The following RBL1 variants were observed in gnomAD, a reference collection of about 807,000 sequenced individuals.
RBL1 encodes the protein RB transcriptional corepressor like 1, also known as retinoblastoma-like protein 1.
A neutral mutation model predicts 123.0 loss-of-function variants in RBL1; 82 were observed. The ratio of observed to expected loss-of-function variants is 0.67; its 90% CI spans 0.56 to 0.80. The LOEUF (loss-of-function observed/expected upper bound fraction) is 0.80. Among genes scored for constraint, RBL1 ranks in the 30% least tolerant of loss-of-function variants. The probability of loss-of-function intolerance (pLI) is 0.00; values close to 1 mark genes in which losing one functional copy is unlikely to be tolerated. For missense variants in RBL1, 1,171 were observed against 1,299.6 expected, an observed-to-expected ratio of 0.90 and a Z score of 1.52; for synonymous variants, 405 against 441.3, an observed-to-expected ratio of 0.92 and a Z score of 1.03.
intron 2 of RBL1, among the ~76,000 whole-genome samples, chr20:37,072,185 T>C (rs955515954): frequency 3.3e-5 from 5 of 152,158 alleles, no homozygotes; most frequent in African/African-American, 1.2e-4. Flanking sequence ...ATTTTGTTTT[T>C]TGGCCGGGTG....
intron 2 of RBL1, among the ~76,000 whole-genome samples, chr20:37,086,674 T>A (rs949768358): frequency 6.6e-6 from 1 of 152,180 alleles, no homozygotes; most frequent in Non-Finnish European, 1.5e-5. Context: ...TGACCACAAA[T>A]AGTTTTGTCC....
chr20:37,015,915 G>A (rs1319842050), intron 19 of RBL1, among the ~76,000 whole-genome samples: 2 of 150,548 alleles, frequency 1.3e-5, no homozygotes, highest in East Asian at 3.9e-4. Context: ...AGTAGAGACG[G>A]GTTTCACCAT....
chr20:37,018,726 T>C (rs6030779), intron 18 of RBL1, among the ~76,000 whole-genome samples: 91,441 of 151,998 alleles, frequency 0.6, 28,494 homozygotes, highest in African/African-American at 0.78. Context: ...CTGAGGTGGG[T>C]GGATCACTTG....
chr20:37,057,915 C>A (rs1019810558), intron 9 of RBL1, among the ~76,000 whole-genome samples: 10 of 151,896 alleles, frequency 6.6e-5, no homozygotes, highest in African/African-American at 2.4e-4. Context: ...CACCTGAGGT[C>A]AGGAGTTCGA....
At chr20:37,048,173 TAAAAC>T (rs929153309) in intron 11 of RBL1, among the ~76,000 whole-genome samples, 11 of 152,066 alleles carry the variant, frequency 7.2e-5, no homozygotes, top group Non-Finnish European at 1.5e-4. Context: ...GTGAGACACT[TAAAAC>T]AAAAGAATCT....
chr20:37,009,450 G>A (rs2064120375), intron 19 of RBL1, among the ~76,000 whole-genome samples: 1 of 152,018 alleles, frequency 6.6e-6, no homozygotes, highest in South Asian at 2.1e-4. Flanking sequence ...TTGTTTTTAT[G>A]AAAGGTTCTT....
chr20:37,000,725 A>G (rs1379164189), intron 21 of RBL1, among the ~76,000 whole-genome samples: 680 of 23,080 alleles, frequency 0.029, no homozygotes, highest in Middle Eastern at 0.05. Context: ...GGAGGCGGGG[A>G]GGTCAGCCCC....
chr20:37,004,714 CAAAAAAAA>C (rs11361452), intron 20 of RBL1, among the ~76,000 whole-genome samples: 2 of 72,518 alleles, frequency 2.8e-5, no homozygotes, highest in African/African-American at 6.5e-5. Flanking sequence ...GACTCTGCCT[CAAAAAAAA>C]AAAAAAAAAA....
At chr20:37,023,777 A>AT (rs11371156) in intron 16 of RBL1, among the ~76,000 whole-genome samples, 109,576 of 125,546 alleles carry the variant, frequency 0.87, 48,379 homozygotes, top group Middle Eastern at 0.92. Flanking sequence ...TATTCAAACT[A>AT]TTTTTTTTTT....
intron 19 of RBL1, among the ~76,000 whole-genome samples, chr20:37,012,471 C>T (rs1320515420): frequency 3.3e-5 from 5 of 151,850 alleles, no homozygotes; most frequent in Admixed American, 3.3e-4. Flanking sequence ...GCGTCTCTGC[C>T]CGGCCGCCCA....
At chr20:37,052,121 C>A (rs1446945596) in intron 11 of RBL1, among the ~76,000 whole-genome samples, 3 of 151,952 alleles carry the variant, frequency 2.0e-5, no homozygotes. Context: ...CAACCTCCAC[C>A]TCCCAGGTTC....
At chr20:37,047,368 C>A (rs1186481234) in intron 11 of RBL1, among the ~76,000 whole-genome samples, 178 bp from the exon 12 acceptor site, 1 of 152,112 alleles carries the variant, frequency 6.6e-6, no homozygotes, top group Admixed American at 6.6e-5. Context: ...TATTCTTGCT[C>A]AGTGGGTAGG....
In RBL1 at chr20:37,078,831, A is replaced by AGGCT. The variant is rs1377046772; in HGVS notation, c.290+10154_290+10157dup. ...TTTAACACTAATATTTTCCTATGTA[A>AGGCT]GGCTTAATGTATAGTTACAATGATC... On this transcript the variant is annotated intron_variant, in intron 2 of 21. Coordinates refer to ENST00000373664, the MANE Select transcript of RBL1 (RefSeq NM_002895.5). Among the ~76,000 whole-genome samples the AGGCT allele has an allele frequency of 3.3e-5, 5 of 149,824 alleles. No individual in the cohort carries two copies. The East Asian group carries it at 1.0e-3, about 31-fold the overall frequency.
chr20:37,071,247 G>A (rs963203506), intron 2 of RBL1, among the ~76,000 whole-genome samples: 10 of 152,052 alleles, frequency 6.6e-5, no homozygotes, highest in Admixed American at 3.3e-4. Flanking sequence ...AGTCCATTTC[G>A]CCTGGCCAAT....
intron 11 of RBL1, among the ~76,000 whole-genome samples, chr20:37,049,944 C>A (rs1451788606): frequency 1.3e-5 from 2 of 151,160 alleles, no homozygotes; most frequent in Non-Finnish European, 3.0e-5. Context: ...TCCCTGTAAT[C>A]CTAGCTACTC....
chr20:37,095,932 T>G lies in RBL1; in HGVS notation c.-4A>C. Reference sequence around the variant, plus strand: ...CGTGGGGCTTGTCCTCGAACATCCCTTCAGGCCCCGCGGGCTGCGCGCCAC... The same window carrying G: ...CGTGGGGCTTGTCCTCGAACATCCCGTCAGGCCCCGCGGGCTGCGCGCCAC... On this transcript the variant is annotated 5_prime_UTR_variant, in exon 1 of 22. Transcript: ENST00000373664. 4 of 1,552,718 alleles carry G rather than the reference T, an allele frequency of 2.6e-6. No homozygotes were observed. Among genetic ancestry groups the G allele is most frequent in the Non-Finnish European group, 3.5e-6 (4 of 1,146,756 alleles).
intron 2 of RBL1, among the ~76,000 whole-genome samples, chr20:37,086,353 G>A (rs186392256): frequency 1.2e-3 from 175 of 152,048 alleles, no homozygotes; most frequent in African/African-American, 4.0e-3. Flanking sequence ...TAGGGAGGCC[G>A]AGGCGGGTGG....
chr20:37,057,844 C>T (rs1174573160), intron 9 of RBL1, among the ~76,000 whole-genome samples: 1 of 151,928 alleles, frequency 6.6e-6, no homozygotes, highest in African/African-American at 2.4e-5. Context: ...AAAAATTGGC[C>T]AGGCCTGTTG....
chr20:37,046,412 T>C (rs1434708320), intron 12 of RBL1, among the ~76,000 whole-genome samples: 2 of 152,088 alleles, frequency 1.3e-5, no homozygotes, highest in East Asian at 1.9e-4. Context: ...TCTTTTTTTT[T>C]CTTTGAAACA....
Sources: allele counts gnomAD v4.1 joint callset (sites outside exome capture counted in the v4.1 genomes callset), GRCh38; gene constraint gnomAD v4.1.1; transcripts MANE v1.5; gene names NCBI Gene and HGNC (gene_info 2026-07-23, HGNC 2026-07-21).